LINGO2: variants seen among roughly 807,000 people sequenced by gnomAD.
LINGO2 encodes leucine rich repeat and Ig domain containing 2, also known as leucine-rich repeat and immunoglobulin-like domain-containing nogo receptor-interacting protein 2.
Under a neutral mutation model 30.6 loss-of-function variants are expected in LINGO2, and 14 were observed. The ratio of observed to expected loss-of-function variants is 0.46; its 90% CI spans 0.30 to 0.72. The LOEUF is 0.72. LINGO2 is among the 30% of genes least tolerant of loss of function. LINGO2 has a pLI of 0.07. For missense variants in LINGO2, 729 were observed against 751.7 expected, an observed-to-expected ratio of 0.97 and a Z score of 0.35; for synonymous variants, 317 against 288.5, an observed-to-expected ratio of 1.10 and a Z score of -1.00.
At chr9:28,576,206 G>A (rs1436886738) in intron 1 of LINGO2, among the ~76,000 whole-genome samples, 1 of 152,190 alleles carries the variant, frequency 6.6e-6, no homozygotes, top group Non-Finnish European at 1.5e-5. Context: ...ATTCACCCTT[G>A]TGATTGCATG....
the LINGO2 span, among the ~76,000 whole-genome samples, chr9:29,187,289 T>C: frequency 3.3e-5 from 5 of 152,190 alleles, no homozygotes; most frequent in Non-Finnish European, 7.4e-5. Flanking sequence ...GCAAAAACAA[T>C]TATAAATCAA....
At chr9:29,187,780 A>ATTTTTTTTTT in the LINGO2 span, among the ~76,000 whole-genome samples, 4 of 118,844 alleles carry the variant, frequency 3.4e-5, no homozygotes, top group Non-Finnish European at 6.9e-5. Context: ...ATACATTTCA[A>ATTTTTTTTTT]TTTTTTTTTT....
At chr9:28,244,121 C>CA (rs1488709301) in intron 4 of LINGO2, among the ~76,000 whole-genome samples, 1 of 152,168 alleles carries the variant, frequency 6.6e-6, no homozygotes, top group Non-Finnish European at 1.5e-5. Context: ...ATCATACAAA[C>CA]AGTCTCTTAG....
At chr9:28,295,521 G>T (rs1449613040) in intron 3 of LINGO2, 155 bp from the exon 6 acceptor site, 1 of 152,424 alleles carries the variant, frequency 6.6e-6, no homozygotes, top group Middle Eastern at 3.2e-3. Flanking sequence ...ATTAAAACTG[G>T]AAGACTGAAG....
At chr9:28,985,568 G>A in the LINGO2 span, among the ~76,000 whole-genome samples, 2 of 151,990 alleles carry the variant, frequency 1.3e-5, no homozygotes, top group African/African-American at 4.8e-5. Flanking sequence ...CCACAGGTGA[G>A]ATAATGTCTC....
At chr9:29,074,569 T>A in the LINGO2 span, among the ~76,000 whole-genome samples, 7 of 152,060 alleles carry the variant, frequency 4.6e-5, no homozygotes, top group Non-Finnish European at 1.0e-4. Flanking sequence ...TAATGGCACA[T>A]CCATAGGTTT....
chr9:28,926,553 T>C, the LINGO2 span, among the ~76,000 whole-genome samples: 1 of 152,064 alleles, frequency 6.6e-6, no homozygotes, highest in Non-Finnish European at 1.5e-5. Flanking sequence ...GGTTTAGAAT[T>C]CCTCACCCCT....
chr9:27,950,464 T>C (rs1481516315), exon 6 of LINGO2: 1 of 1,607,854 alleles, frequency 6.2e-7, no homozygotes, highest in Non-Finnish European at 8.5e-7. Context: ...TTGACGCTTT[T>C]TAGCCTGTTT....
Position 27,987,969 on chromosome 9 carries a change from A to G in LINGO2, c.-36+24386T>C, listed in dbSNP as rs1006761263. ...CTGCATCCATTAACTCGTCATTTAT[A>G]TTAGGTGTATCTCCTAATGCTATCC... On this transcript the variant is annotated intron_variant, in intron 5 of 5. Transcript: ENST00000379992. Among the ~76,000 whole-genome samples the G allele has an allele frequency of 1.1e-4, 17 of 152,156 alleles. No individual in the cohort carries two copies. In the South Asian group the frequency reaches 1.5e-3, roughly 13 times the overall value.
the LINGO2 span, among the ~76,000 whole-genome samples, chr9:28,780,941 T>G: frequency 6.6e-6 from 1 of 151,732 alleles, no homozygotes; most frequent in Non-Finnish European, 1.5e-5. Flanking sequence ...TATTTGAAAT[T>G]TTGGAGAGAG....
intron 4 of LINGO2, among the ~76,000 whole-genome samples, chr9:28,054,435 G>T (rs919878192): frequency 6.6e-6 from 1 of 151,628 alleles, no homozygotes; most frequent in Non-Finnish European, 1.5e-5. Context: ...GGATCTCCAC[G>T]TTACTGCTAT....
the LINGO2 span, among the ~76,000 whole-genome samples, chr9:29,118,187 T>TTTTGG: frequency 5.9e-5 from 9 of 152,264 alleles, 1 homozygote; most frequent in East Asian, 9.7e-4. Flanking sequence ...GAGGTTGACT[T>TTTTGG]ACCCTGTGGG....
At chr9:29,000,858 G>A in the LINGO2 span, among the ~76,000 whole-genome samples, 7 of 152,030 alleles carry the variant, frequency 4.6e-5, no homozygotes, top group Non-Finnish European at 7.4e-5. Context: ...GACATATACC[G>A]TGTTCCATGA....
At chr9:27,983,167 C>A (rs576093550) in intron 5 of LINGO2, among the ~76,000 whole-genome samples, 44 of 151,952 alleles carry the variant, frequency 2.9e-4, no homozygotes, top group African/African-American at 1.0e-3. Context: ...GCAATGGTTA[C>A]AAATTTTACC....
chr9:28,791,427 A>C, the LINGO2 span, among the ~76,000 whole-genome samples: 1 of 152,074 alleles, frequency 6.6e-6, no homozygotes, highest in Admixed American at 6.5e-5. Flanking sequence ...AGACTATGTA[A>C]ATCACCTAGG....
intron 4 of LINGO2, among the ~76,000 whole-genome samples, chr9:28,193,811 A>G (rs1251466838): frequency 6.6e-6 from 1 of 152,176 alleles, no homozygotes; most frequent in East Asian, 1.9e-4. Context: ...CAGTGGAAAC[A>G]ATCAGAGACT....
the LINGO2 span, among the ~76,000 whole-genome samples, chr9:29,131,095 TA>T: frequency 6.6e-6 from 1 of 152,194 alleles, no homozygotes; most frequent in South Asian, 2.1e-4. Flanking sequence ...TTTTACAACT[TA>T]ATTGCTTTAT....
intron 4 of LINGO2, among the ~76,000 whole-genome samples, chr9:28,253,249 G>A (rs957193462): frequency 6.6e-6 from 1 of 152,074 alleles, no homozygotes; most frequent in African/African-American, 2.4e-5. Flanking sequence ...AAAGTACACT[G>A]TAGGATATTG....
intron 1 of LINGO2, among the ~76,000 whole-genome samples, chr9:28,569,178 C>T (rs1823547213): frequency 6.6e-6 from 1 of 151,910 alleles, no homozygotes; most frequent in Admixed American, 6.6e-5. Context: ...AAACTTTGTA[C>T]ACTGTTGGTG....
Sources: gnomAD v4.1 joint callset for allele counts (sites outside exome capture counted in the v4.1 genomes callset) on GRCh38, gnomAD v4.1.1 for gene constraint, MANE v1.5 for transcripts, NCBI Gene and HGNC (gene_info 2026-07-23, HGNC 2026-07-21) for gene names.